STPG2: variants seen among roughly 807,000 people sequenced by gnomAD.
STPG2 encodes sperm tail PG-rich repeat containing 2, also known as sperm-tail PG-rich repeat-containing protein 2.
A neutral mutation model predicts 54.2 loss-of-function variants in STPG2; 56 were observed. The ratio of observed to expected loss-of-function variants is 1.03; its 90% CI spans 0.83 to 1.29. STPG2 has a LOEUF of 1.29. STPG2 is among the 50% of genes most tolerant of loss of function. The probability of loss-of-function intolerance (pLI) is 0.00; values close to 1 mark genes in which losing one functional copy is unlikely to be tolerated. For missense variants in STPG2, 596 were observed against 544.9 expected (o/e 1.09, Z -0.93); for synonymous variants, 200 against 181.8 (o/e 1.10, Z -0.81).
At chr4:97,912,322 G>A (rs994222855) in intron 8 of STPG2, among the ~76,000 whole-genome samples, 5 of 152,180 alleles carry the variant, frequency 3.3e-5, no homozygotes, top group Admixed American at 1.3e-4. Context: ...GGCTGAGACC[G>A]CTGAATTGAA....
At chr4:97,689,016 T>C (rs938368641) in intron 10 of STPG2, among the ~76,000 whole-genome samples, 7 of 152,136 alleles carry the variant, frequency 4.6e-5, no homozygotes, top group African/African-American at 1.7e-4. Context: ...TTAAACCCTA[T>C]TTGTTACTTC....
At chr4:97,565,974 C>T (rs1046667119) in intron 10 of STPG2, among the ~76,000 whole-genome samples, 10 of 152,196 alleles carry the variant, frequency 6.6e-5, no homozygotes, top group Non-Finnish European at 1.3e-4. Flanking sequence ...AGCTGTCAGA[C>T]AGGGACATTT....
At chr4:97,738,447 G>A (rs1214243552) in intron 9 of STPG2, among the ~76,000 whole-genome samples, 1 of 152,148 alleles carries the variant, frequency 6.6e-6, no homozygotes. Context: ...ACCAATCAGA[G>A]TGCTGTATTC....
intron 9 of STPG2, among the ~76,000 whole-genome samples, chr4:97,729,063 T>TTCTCTCTCTC (rs57186071): frequency 0.016 from 1,988 of 124,870 alleles, 69 homozygotes; most frequent in African/African-American, 0.048. Flanking sequence ...CCCCAAGAAT[T>TTCTCTCTCTC]TCTCTCTCTC....
chr4:97,530,340 C>G (rs1315092883), intron 4 of STPG2, among the ~76,000 whole-genome samples: 1 of 152,120 alleles, frequency 6.6e-6, no homozygotes, highest in Non-Finnish European at 1.5e-5. Context: ...TCTGAGAAAG[C>G]AAAGGTTATG....
chr4:97,836,331 A>C lies in STPG2; in HGVS notation c.1204+4442T>G, dbSNP rs557906647. 4.6e-5 allele frequency among the ~76,000 whole-genome samples: 7 copies of C among 152,164 alleles called. No homozygotes were observed. The East Asian group carries it at 1.4e-3, about 29-fold the overall frequency. ...CATCAAAGCAAGACCCTCCAGGAGAAAAAGAAGACTCACTGAAAGCTCAAA... is the reference window on the plus strand; with the variant it reads ...CATCAAAGCAAGACCCTCCAGGAGACAAAGAAGACTCACTGAAAGCTCAAA... On this transcript the variant is annotated intron_variant, in intron 9 of 10. Transcript: ENST00000295268.
chr4:98,106,358 G>C (rs1273875953), intron 4 of STPG2, among the ~76,000 whole-genome samples: 1 of 151,954 alleles, frequency 6.6e-6, no homozygotes, highest in Non-Finnish European at 1.5e-5. Context: ...CTAAAAAAAA[G>C]TTTCCTGTGT....
At chr4:97,552,281 T>A (rs1298131654) in intron 4 of STPG2, among the ~76,000 whole-genome samples, 1 of 152,082 alleles carries the variant, frequency 6.6e-6, no homozygotes, top group Non-Finnish European at 1.5e-5. Flanking sequence ...CATAAAGTTG[T>A]TGTGAGAAGT....
chr4:97,610,918 A>G (rs1390742898), intron 10 of STPG2, among the ~76,000 whole-genome samples: 1 of 152,100 alleles, frequency 6.6e-6, no homozygotes, highest in Non-Finnish European at 1.5e-5. Flanking sequence ...ACAGTAAAAT[A>G]AAAGTAAATT....
At chr4:97,995,124 T>C (rs1029392886) in intron 5 of STPG2, among the ~76,000 whole-genome samples, 4 of 151,942 alleles carry the variant, frequency 2.6e-5, no homozygotes, top group African/African-American at 4.8e-5. Context: ...TCCCCCATGC[T>C]GCCTGCACCC....
intron 4 of STPG2, among the ~76,000 whole-genome samples, chr4:97,449,651 C>T (rs1156632762): frequency 2.0e-5 from 3 of 151,838 alleles, no homozygotes; most frequent in Non-Finnish European, 4.4e-5. Context: ...TTAATCTTCC[C>T]CTCCACAAGA....
chr4:97,875,629 G>A (rs1730146772), intron 8 of STPG2, among the ~76,000 whole-genome samples: 2 of 151,918 alleles, frequency 1.3e-5, no homozygotes, highest in Admixed American at 1.3e-4. Flanking sequence ...TGCTAACACA[G>A]TGATTAGAAC....
chr4:98,016,080 A>T (rs771598612), intron 5 of STPG2, among the ~76,000 whole-genome samples: 1 of 152,196 alleles, frequency 6.6e-6, no homozygotes, highest in Non-Finnish European at 1.5e-5. Context: ...TAGGGGAGGG[A>T]TAGCATTAGG....
At chr4:97,895,247 C>T (rs972284952) in intron 8 of STPG2, among the ~76,000 whole-genome samples, 58 of 151,570 alleles carry the variant, frequency 3.8e-4, no homozygotes, top group African/African-American at 1.1e-3. Context: ...TTTGAACTGC[C>T]TAATCTACAC....
intron 5 of STPG2, chr4:98,025,600 T>A (rs769807837): frequency 1.3e-6 from 1 of 747,602 alleles, no homozygotes; most frequent in Non-Finnish European, 2.4e-6. Context: ...TAGACAGGGA[T>A]ATAATAGTCT....
intron 9 of STPG2, among the ~76,000 whole-genome samples, chr4:97,732,416 T>A (rs978857396): frequency 6.6e-6 from 1 of 152,218 alleles, no homozygotes; most frequent in Non-Finnish European, 1.5e-5. Flanking sequence ...TTGCCAGTTT[T>A]CCCAGCACAC....
At chr4:98,039,224 G>A (rs1736867065) in intron 5 of STPG2, among the ~76,000 whole-genome samples, 1 of 151,552 alleles carries the variant, frequency 6.6e-6, no homozygotes, top group Admixed American at 6.6e-5. Context: ...ATATTAGTAT[G>A]TATATATATA....
intron 8 of STPG2, among the ~76,000 whole-genome samples, chr4:97,875,225 G>A (rs1578645766): frequency 6.6e-6 from 1 of 151,868 alleles, no homozygotes; most frequent in Non-Finnish European, 1.5e-5. Flanking sequence ...TAGAATATCT[G>A]GGTCTTTGGT....
At chr4:97,831,285 C>G (rs914058364) in intron 9 of STPG2, among the ~76,000 whole-genome samples, 2 of 151,900 alleles carry the variant, frequency 1.3e-5, no homozygotes, top group Non-Finnish European at 2.9e-5. Context: ...GGGTAAATAA[C>G]GAAATGAAGG....
Sources: gnomAD v4.1 joint callset for allele counts (sites outside exome capture counted in the v4.1 genomes callset) on GRCh38, gnomAD v4.1.1 for gene constraint, MANE v1.5 for transcripts, NCBI Gene and HGNC (gene_info 2026-07-23, HGNC 2026-07-21) for gene names.